GRB10: variants seen among roughly 807,000 people sequenced by gnomAD.
GRB10 encodes growth factor receptor-bound protein 10.
A neutral mutation model predicts 80.9 loss-of-function variants in GRB10; 20 were observed. That is an observed-to-expected ratio of 0.25 (90% confidence interval 0.17 to 0.36). The LOEUF (loss-of-function observed/expected upper bound fraction) is 0.36. GRB10 is among the 10% of genes least tolerant of loss of function. GRB10 has a pLI of 1.00. For synonymous variants in GRB10, 291 were observed against 291.5 expected, an observed-to-expected ratio of 1.00 and a Z score of 0.02; for missense variants, 548 against 747.7, an observed-to-expected ratio of 0.73 and a Z score of 3.12.
At chr7:50,783,254 GAGC>G (rs2078496630), upstream of GRB10, among the ~76,000 whole-genome samples, 1 of 152,176 alleles carries the variant, frequency 6.6e-6, no homozygotes, top group Non-Finnish European at 1.5e-5. Flanking sequence ...CAAAATGTCA[GAGC>G]AAGAACCAGG....
chr7:50,621,567 C>T (rs1201672319), intron 8 of GRB10, among the ~76,000 whole-genome samples: 3 of 152,218 alleles, frequency 2.0e-5, no homozygotes, highest in African/African-American at 7.2e-5. Context: ...ATGCTCCAGG[C>T]ACCAGTGTTC....
chr7:50,731,469 C>T (rs1563635728), intron 4 of GRB10, among the ~76,000 whole-genome samples: 3 of 152,224 alleles, frequency 2.0e-5, no homozygotes, highest in African/African-American at 7.2e-5. Flanking sequence ...AAAGGACTTC[C>T]AAACCTAGGA....
At chr7:50,778,496 G>C (rs1036682422) in intron 2 of GRB10, among the ~76,000 whole-genome samples, 2 of 152,338 alleles carry the variant, frequency 1.3e-5, no homozygotes, top group East Asian at 1.9e-4. Flanking sequence ...TTTGGTGGTA[G>C]AATTTTTCAA....
intron 4 of GRB10, among the ~76,000 whole-genome samples, chr7:50,731,717 AG>A (rs111254894): frequency 4.6e-5 from 7 of 152,366 alleles, no homozygotes; most frequent in African/African-American, 1.2e-4. Context: ...GAGAAAGTGA[AG>A]GAACAGAAAT....
intron 4 of GRB10, among the ~76,000 whole-genome samples, chr7:50,719,051 A>G (rs567156148): frequency 6.6e-6 from 1 of 152,306 alleles, no homozygotes; most frequent in Admixed American, 6.5e-5. Context: ...TAAAGCAACA[A>G]TCCTGCCCTA....
intron 17 of GRB10, among the ~76,000 whole-genome samples, chr7:50,598,821 G>T (rs184271737): frequency 1.2e-3 from 177 of 152,294 alleles, no homozygotes; most frequent in African/African-American, 4.0e-3. Flanking sequence ...AAATTTTGCC[G>T]AAGAGGTTTC....
intron 5 of GRB10, among the ~76,000 whole-genome samples, chr7:50,696,961 A>G (rs1284181394): frequency 6.6e-6 from 1 of 152,206 alleles, no homozygotes; most frequent in East Asian, 1.9e-4. Flanking sequence ...CCATCCACAC[A>G]ATGGAATATT....
Position 50,671,546 on chromosome 7 carries a change from A to G in GRB10, c.363-1683T>C, listed in dbSNP as rs116521731. Among the ~76,000 whole-genome samples the G allele has an allele frequency of 6.4e-3, 982 of 152,366 alleles. 13 individuals carry two copies. The highest frequency in any genetic ancestry group is 0.023 in the African/African-American group (952 of 41,592). On this transcript the variant is annotated intron_variant, in intron 6 of 18. Coordinates refer to ENST00000401949, the MANE Select transcript of GRB10 (RefSeq NM_001350814.2). ...TGCGAAATACAGGAAAGCCGTTCCT[A>G]TAATGGTTTGATGACATGCCATAAA...
At chr7:50,616,778 C>G (rs2050721508) in intron 10 of GRB10, among the ~76,000 whole-genome samples, 1 of 152,260 alleles carries the variant, frequency 6.6e-6, no homozygotes, top group Non-Finnish European at 1.5e-5. Context: ...GTGATGCACC[C>G]AGGTGCAGGA....
chr7:50,605,404 G>A lies in GRB10; in HGVS notation c.1275C>T (p.Arg425=). Residue 425 remains arginine (R), a splice_region_variant and synonymous_variant, in exon 15 of 19, where the codon CGC becomes CGT. Transcript: ENST00000401949. The stretch of plus-strand genomic sequence containing the variant: ...CCACGAGGGAGTTCTCGGAGACACT[G>A]CGCTGAAAAGGAAAGGCCGCAGTTC... The part of the protein sequence containing the change: ...ALLSPFSTPV[R]SVSENSLVAM... 2 of 1,612,624 alleles carry A rather than the reference G, an allele frequency of 1.2e-6. No homozygotes were observed. The highest frequency in any genetic ancestry group is 1.7e-6 in the Non-Finnish European group (2 of 1,178,564).
At chr7:50,636,323 A>G (rs1334342058) in intron 7 of GRB10, among the ~76,000 whole-genome samples, 1 of 152,298 alleles carries the variant, frequency 6.6e-6, no homozygotes, top group African/African-American at 2.4e-5. Context: ...GGTGGTCCCA[A>G]TCTTACTGAA....
At chr7:50,631,319 G>T (rs1364554530) in intron 7 of GRB10, among the ~76,000 whole-genome samples, 2 of 151,928 alleles carry the variant, frequency 1.3e-5, no homozygotes, top group Non-Finnish European at 2.9e-5. Context: ...GCCCTCTGCA[G>T]CATAAGATGT....
rs532677148 is a variant in GRB10 at position 50,752,673 on chromosome 7, G to T, written c.-47+3214C>A. Among the ~76,000 whole-genome samples, 16 of 152,242 alleles carry T rather than the reference G, an allele frequency of 1.1e-4. No homozygotes were observed. The East Asian group carries it at 2.7e-3, about 26-fold the overall frequency. On this transcript the variant is annotated intron_variant, in intron 3 of 18. Transcript: ENST00000401949. Reference sequence around the variant, plus strand: ...GAGTTGCCCTCCTGTGTGAGTAAGAGCCCAGCAAGAGCTGTACCATCGCAG... The same window carrying T: ...GAGTTGCCCTCCTGTGTGAGTAAGATCCCAGCAAGAGCTGTACCATCGCAG...
chr7:50,598,101 T>C (rs2046969825), intron 17 of GRB10, among the ~76,000 whole-genome samples: 1 of 152,136 alleles, frequency 6.6e-6, no homozygotes, highest in South Asian at 2.1e-4. Flanking sequence ...TGACCTCAGG[T>C]GACCCGCCCA....
chr7:50,711,059 G>A, intron 4 of GRB10: 1 of 706,254 alleles, frequency 1.4e-6, no homozygotes. Context: ...GCCACAGAGA[G>A]CAGAATGACA....
intron 2 of GRB10, among the ~76,000 whole-genome samples, chr7:50,760,562 C>T (rs1034559285): frequency 2.0e-5 from 3 of 151,936 alleles, no homozygotes; most frequent in Non-Finnish European, 2.9e-5. Flanking sequence ...ATAAAATAAG[C>T]GGTAAGATGG....
At chr7:50,684,582 T>C (rs571001134) in intron 5 of GRB10, among the ~76,000 whole-genome samples, 36 of 144,532 alleles carry the variant, frequency 2.5e-4, no homozygotes, top group African/African-American at 9.9e-4. Context: ...ATAGAGCCTA[T>C]ACAACACAGG....
At chr7:50,734,842 T>G (rs1018394675) in intron 3 of GRB10, among the ~76,000 whole-genome samples, 1 of 152,188 alleles carries the variant, frequency 6.6e-6, no homozygotes, top group African/African-American at 2.4e-5. Context: ...AATCCACAGC[T>G]AACATCATGC....
At chr7:50,715,224 G>A (rs931743908) in intron 4 of GRB10, among the ~76,000 whole-genome samples, 35 of 151,622 alleles carry the variant, frequency 2.3e-4, no homozygotes, top group African/African-American at 7.3e-4. Flanking sequence ...AAGGGCAGGC[G>A]CGATCTGGAG....
Sources: allele counts gnomAD v4.1 joint callset (sites outside exome capture counted in the v4.1 genomes callset), GRCh38; gene constraint gnomAD v4.1.1; transcripts MANE v1.5; gene names NCBI Gene and HGNC (gene_info 2026-07-23, HGNC 2026-07-21).